Variants in MGAT2 observed in about 807,000 individuals in gnomAD.
MGAT2 encodes Beta-1,2-N-acetylglucosaminyltransferase II.
In MGAT2, 17 loss-of-function variants were observed where a neutral mutation model predicts 33.8. That is an observed-to-expected ratio of 0.50 (90% CI 0.34 to 0.76). The LOEUF (loss-of-function observed/expected upper bound fraction) is 0.76. MGAT2 is among the 30% of genes least tolerant of loss of function. The pLI is 0.01. For synonymous variants in MGAT2, 248 were observed against 226.7 expected, an observed-to-expected ratio of 1.09 and a Z score of -0.84; for missense variants, 529 against 553.9, an observed-to-expected ratio of 0.96 and a Z score of 0.45.
At position 49,622,792 on chromosome 14, in the gene MGAT2, A is replaced by C. The variant is rs1375330833; in HGVS notation, c.*180A>C. The C allele has an allele frequency of 9.0e-6, 5 of 553,890 alleles. No individual in the cohort carries two copies. In the East Asian group the frequency reaches 1.6e-4, roughly 18 times the overall value. The allele number at this position is 553,890 out of a possible 1,614,324, so 34.3% of individuals were successfully genotyped here. ...ATGTCTGATTAAGATTTAAAACTGA[A>C]GGTTTCATTTTGGGAGTAGGGTTTT... On this transcript the variant is annotated 3_prime_UTR_variant, in exon 1 of 1. Coordinates refer to ENST00000305386, the MANE Select transcript of MGAT2 (RefSeq NM_002408.4).
Position 49,623,074 on chromosome 14 carries a change from C to T in MGAT2, c.*462C>T, listed in dbSNP as rs1882901454. On this transcript the variant is annotated 3_prime_UTR_variant, in exon 1 of 1. Transcript: ENST00000305386. ...CACACTTATTAGGAAGGGATTGCTT[C>T]ACTGGTTTAATAATTTAAAAGTTAT... 1 of 168,870 alleles carries T rather than the reference C, an allele frequency of 5.9e-6. No homozygotes were observed. Among genetic ancestry groups the T allele is most frequent in the Non-Finnish European group, 1.4e-5 (1 of 69,402 alleles). 10.5% of individuals were successfully genotyped at this position (168,870 alleles called of 1,614,324 possible). A position where few individuals can be genotyped will look rare whatever the true frequency, so the allele number is the denominator to read the frequency against.
chr14:49,622,031 A>T lies in MGAT2; in HGVS notation c.763A>T (p.Ile255Leu). ...VKILRDYAGL[I>L]LFLEEDHYLA... ...AATTCTTCGAGATTATGCTGGCCTTATACTTTTCCTAGAAGAGGATCACTA... is the reference window on the plus strand; with the variant it reads ...AATTCTTCGAGATTATGCTGGCCTTTTACTTTTCCTAGAAGAGGATCACTA... The change falls in exon 1 of 1, where the codon ATA becomes TTA. Residue 255 changes from isoleucine (I) to leucine (L), a missense_variant. Ile to Leu is a conservative substitution (Grantham distance 5). Transcript: ENST00000305386. 6.2e-7 allele frequency: 1 copy of T among 1,614,034 alleles called. No individual in the cohort carries two copies. The highest frequency in any genetic ancestry group is 8.5e-7 in the Non-Finnish European group (1 of 1,179,974).
rs1354680025 is a variant in MGAT2, at chr14:49,621,697, A to G, written c.429A>G (p.Gly143=). The stretch of plus-strand genomic sequence containing the variant: ...TGGACTCACTTCGAAAAGCCCAGGG[A>G]ATTGACAACGTCCTCGTCATCTTTA... ...LLLDSLRKAQ[G]IDNVLVIFSH... Residue 143 remains glycine (G), a synonymous_variant, in exon 1 of 1, where the codon GGA becomes GGG. Coordinates refer to ENST00000305386, the MANE Select transcript of MGAT2 (RefSeq NM_002408.4). This position sits in a 1 kb window ranked among gnomAD's most constrained non-coding sequence, Gnocchi z 4.6. 3 of 1,614,156 alleles carry G rather than the reference A, an allele frequency of 1.9e-6. No individual in the cohort carries two copies. Among genetic ancestry groups the G allele is most frequent in the Admixed American group, 3.3e-5 (2 of 60,028 alleles).
rs956032109 is a variant in MGAT2, at chr14:49,621,380, G to T, written c.112G>T (p.Ala38Ser). The T allele has an allele frequency of 1.2e-6, 2 of 1,611,104 alleles. No homozygotes were observed. Among genetic ancestry groups the T allele is most frequent in the South Asian group, 1.1e-5 (1 of 91,028 alleles). The change falls in exon 1 of 1, where the codon GCC (alanine) becomes TCC (serine). Residue 38 changes from alanine to serine, a missense_variant. By Grantham distance (99) the Ala-to-Ser change is moderately conservative. Coordinates refer to ENST00000305386, the MANE Select transcript of MGAT2 (RefSeq NM_002408.4). This position sits in a 1 kb window ranked among gnomAD's most constrained non-coding sequence, Gnocchi z 4.6. ...NGRQRKNEAL[A>S]PPLLDAEPAR... ...GCGACAAAGGAAGAACGAGGCCCTC[G>T]CCCCACCGTTGCTGGACGCCGAACC...
rs1882909703 is a variant in MGAT2 at position 49,623,335 on chromosome 14, C to A, written c.*723C>A. 6.0e-6 allele frequency: 1 copy of A among 165,782 alleles called. No individual in the cohort carries two copies. The highest frequency in any genetic ancestry group is 2.4e-5 in the African/African-American group (1 of 41,074). The allele number at this position is 165,782 out of a possible 1,614,324, so 10.3% of individuals were successfully genotyped here. ...ATTTTTGCATAAAAAGGTTCCTAATCCTTTTGCAGAATAAGTTTTGTTTAC... is the reference window on the plus strand; with the variant it reads ...ATTTTTGCATAAAAAGGTTCCTAATACTTTTGCAGAATAAGTTTTGTTTAC... On this transcript the variant is annotated 3_prime_UTR_variant, in exon 1 of 1. Transcript: ENST00000305386.
In MGAT2 at chr14:49,621,839, A is replaced by G. The variant is rs776145169; in HGVS notation, c.571A>G (p.Ser191Gly). The change falls in exon 1 of 1, where the codon AGT becomes GGT. Residue 191 changes from serine to glycine, a missense_variant. Around this residue, in one of 2 missense-constraint regions of MGAT2, gnomAD observed 501 missense variants for 501.1 expected, o/e 1.00. Transcript: ENST00000305386. The surrounding 1 kb of genome is among the most constrained non-coding windows in gnomAD (Gnocchi z 4.6). ...IQLYPNEFPGSDPRDCPRDLP... is the reference protein window; with the variant it reads ...IQLYPNEFPGGDPRDCPRDLP... ...GTTGTACCCTAACGAGTTTCCAGGT[A>G]GTGACCCTAGAGATTGTCCCAGAGA... The G allele has an allele frequency of 4.3e-6, 7 of 1,614,172 alleles. No homozygotes were observed. The Admixed American group carries it at 1.2e-4, about 27-fold the overall frequency.
In MGAT2 at chr14:49,621,867, T is replaced by C; in HGVS notation, c.599T>C (p.Leu200Pro). ...GACCCTAGAGATTGTCCCAGAGACC[T>C]GCCGAAGAATGCCGCTTTGAAATTG... is the stretch of plus-strand genomic sequence containing the variant. Reference protein sequence around the residue: ...GSDPRDCPRDLPKNAALKLGC... With the variant: ...GSDPRDCPRDPPKNAALKLGC... The change falls in exon 1 of 1, where the codon CTG becomes CCG. Residue 200 changes from leucine (L) to proline (P), a missense_variant. Leu to Pro is a moderately conservative substitution (Grantham distance 98). Transcript: ENST00000305386. This position sits in a 1 kb window ranked among gnomAD's most constrained non-coding sequence, Gnocchi z 4.6. 8 of 1,614,210 alleles carry C rather than the reference T, an allele frequency of 5.0e-6. No homozygotes were observed. The highest frequency in any genetic ancestry group is 1.1e-5 in the South Asian group (1 of 91,086).
chr14:49,621,152 G>A lies in MGAT2; in HGVS notation c.-117G>A. 8.1e-6 allele frequency: 12 copies of A among 1,478,412 alleles called. No homozygotes were observed. Among genetic ancestry groups the A allele is most frequent in the Non-Finnish European group, 1.1e-5 (12 of 1,089,862 alleles). The allele number at this position is 1,478,412 out of a possible 1,614,324, so 91.6% of individuals were successfully genotyped here. A position where few individuals can be genotyped will look rare whatever the true frequency, so the allele number is the denominator to read the frequency against. ...GGATGAGTTAGCGAGGGCAGCCGCG[G>A]GGGCCAGTTCCGACCGTGACAGGCC... is the stretch of plus-strand genomic sequence containing the variant. On this transcript the variant is annotated 5_prime_UTR_variant, in exon 1 of 1. Coordinates refer to ENST00000305386, the MANE Select transcript of MGAT2 (RefSeq NM_002408.4). The surrounding 1 kb of genome is among the most constrained non-coding windows in gnomAD (Gnocchi z 4.6).
Position 49,622,324 on chromosome 14 carries a change from C to T in MGAT2, c.1056C>T (p.Tyr352=), listed in dbSNP as rs1187554572. ...ATAACTGGGACTGGACTCTTCAATA[C>T]TTGACTGTATCTTGTCTTCCAAAAT... ...DDYNWDWTLQ[Y]LTVSCLPKFW... is the part of the protein sequence containing the mutation. Residue 352 remains tyrosine, a synonymous_variant, in exon 1 of 1, where the codon TAC becomes TAT. Coordinates refer to ENST00000305386, the MANE Select transcript of MGAT2 (RefSeq NM_002408.4). 4 of 1,614,050 alleles carry T rather than the reference C, an allele frequency of 2.5e-6. No homozygotes were observed. The highest frequency in any genetic ancestry group is 4.5e-5 in the East Asian group (2 of 44,906).
chr14:49,621,712 C>G lies in MGAT2; in HGVS notation c.444C>G (p.Leu148=). 6.2e-7 allele frequency: 1 copy of G among 1,614,216 alleles called. No individual in the cohort carries two copies. The highest frequency in any genetic ancestry group is 8.5e-7 in the Non-Finnish European group (1 of 1,180,030). ...LRKAQGIDNV[L]VIFSHDFWST... is the part of the protein sequence containing the mutation. ...AAGCCCAGGGAATTGACAACGTCCT[C>G]GTCATCTTTAGCCATGACTTCTGGT... The change falls in exon 1 of 1, where the codon CTC becomes CTG. Residue 148 remains leucine (L), a synonymous_variant. Transcript: ENST00000305386. The surrounding 1 kb of genome is among the most constrained non-coding windows in gnomAD (Gnocchi z 4.6).
chr14:49,622,116 G>T lies in MGAT2; in HGVS notation c.848G>T (p.Cys283Phe). ...KKMWKLKQQE[C>F]PECDVLSLGT... Reference sequence around the variant, plus strand: ...ATGTGGAAACTGAAGCAGCAAGAGTGCCCTGAATGTGATGTTCTCTCCCTG... The same window carrying T: ...ATGTGGAAACTGAAGCAGCAAGAGTTCCCTGAATGTGATGTTCTCTCCCTG... Residue 283 changes from cysteine (C) to phenylalanine (F), a missense_variant, in exon 1 of 1, where the codon TGC becomes TTC. Around this residue, in one of 2 missense-constraint regions of MGAT2, gnomAD observed 501 missense variants for 501.1 expected, o/e 1.00. Coordinates refer to ENST00000305386, the MANE Select transcript of MGAT2 (RefSeq NM_002408.4). The T allele has an allele frequency of 6.2e-7, 1 of 1,614,182 alleles. No individual in the cohort carries two copies. Among genetic ancestry groups the T allele is most frequent in the Admixed American group, 1.7e-5 (1 of 60,016 alleles).
Position 49,621,315 on chromosome 14 carries a change from T to C in MGAT2, c.47T>C (p.Val16Ala). The change falls in exon 1 of 1, where the codon GTG (valine) becomes GCG (alanine). Residue 16 changes from valine (V) to alanine (A), a missense_variant. Transcript: ENST00000305386. The surrounding 1 kb of genome is among the most constrained non-coding windows in gnomAD (Gnocchi z 4.6). Reference protein sequence around the residue: ...YKRKVLILTLVVAACGFVLWS... With the variant: ...YKRKVLILTLAVAACGFVLWS... ...CGGAAGGTGCTAATCCTGACGCTCGTGGTGGCCGCCTGCGGCTTCGTCCTC... is the reference window on the plus strand; with the variant it reads ...CGGAAGGTGCTAATCCTGACGCTCGCGGTGGCCGCCTGCGGCTTCGTCCTC... The C allele has an allele frequency of 6.2e-7, 1 of 1,612,520 alleles. No homozygotes were observed. The highest frequency in any genetic ancestry group is 8.5e-7 in the Non-Finnish European group (1 of 1,179,760).
Position 49,621,052 on chromosome 14 carries a change from C to A in MGAT2, c.-217C>A. ...GGCGCCGATGCTCGAGCTGTAGCTG[C>A]CAGGCGAGGATGTGTGGAGCGCAGG... On this transcript the variant is annotated 5_prime_UTR_variant, in exon 1 of 1. Coordinates refer to ENST00000305386, the MANE Select transcript of MGAT2 (RefSeq NM_002408.4). The surrounding 1 kb of genome is among the most constrained non-coding windows in gnomAD (Gnocchi z 4.6). 1 of 735,802 alleles carries A rather than the reference C, an allele frequency of 1.4e-6. No individual in the cohort carries two copies. Among genetic ancestry groups the A allele is most frequent in the Non-Finnish European group, 2.4e-6 (1 of 416,154 alleles). The allele number at this position is 735,802 out of a possible 1,614,324, so 45.6% of individuals were successfully genotyped here.
rs199575160 is a variant in MGAT2, at chr14:49,621,429, G to A, written c.161G>A (p.Gly54Asp). Reference protein sequence around the residue: ...AEPARGAGGRGGDHPSVAVGI... With the variant: ...AEPARGAGGRDGDHPSVAVGI... ...CCCGCGCGGGGTGCCGGCGGCCGCG[G>A]TGGGGACCACCCCTCTGTGGCTGTG... The change falls in exon 1 of 1, where the codon GGT becomes GAT. Residue 54 changes from glycine (G) to aspartate (D), a missense_variant. By Grantham distance (94) the Gly-to-Asp change is moderately conservative (BLOSUM62 -1). Around this residue, in one of 2 missense-constraint regions of MGAT2, gnomAD observed 501 missense variants for 501.1 expected, o/e 1.00. Coordinates refer to ENST00000305386, the MANE Select transcript of MGAT2 (RefSeq NM_002408.4). The surrounding 1 kb of genome is among the most constrained non-coding windows in gnomAD (Gnocchi z 4.6). The A allele has an allele frequency of 5.0e-6, 8 of 1,608,372 alleles. No homozygotes were observed. In the African/African-American group the frequency reaches 1.1e-4, roughly 21 times the overall value.
rs754950478 is a variant in MGAT2 at position 49,620,973 on chromosome 14, C to T, written c.-296C>T. Reference sequence around the variant, plus strand: ...CCGCGGCTGAGCTTTTTCCGGGACCCGTGGTGCTGAATGGAGAGGACGGAG... The same window carrying T: ...CCGCGGCTGAGCTTTTTCCGGGACCTGTGGTGCTGAATGGAGAGGACGGAG... On this transcript the variant is annotated 5_prime_UTR_variant, in exon 1 of 1. Coordinates refer to ENST00000305386, the MANE Select transcript of MGAT2 (RefSeq NM_002408.4). The T allele has an allele frequency of 6.4e-5, 45 of 702,248 alleles. No individual in the cohort carries two copies. The African/African-American group carries it at 7.0e-4, about 11-fold the overall frequency. 43.5% of individuals were successfully genotyped at this position (702,248 alleles called of 1,614,324 possible). A position where few individuals can be genotyped will look rare whatever the true frequency, so the allele number is the denominator to read the frequency against.
In MGAT2 at chr14:49,622,471, T is replaced by C. The variant is rs1566505415; in HGVS notation, c.1203T>C (p.Asn401=). 1 of 1,611,748 alleles carries C rather than the reference T, an allele frequency of 6.2e-7. No homozygotes were observed. The highest frequency in any genetic ancestry group is 2.2e-5 in the East Asian group (1 of 44,866). ...QSAQIESLLN[N]NKQYMFPETL... ...CCCAAATTGAGTCACTCTTAAATAA[T>C]AACAAACAATACATGTTTCCAGAAA... Residue 401 remains asparagine (N), a synonymous_variant, in exon 1 of 1, where the codon AAT becomes AAC. Transcript: ENST00000305386.
In MGAT2 at chr14:49,620,817, A is replaced by G. The variant is rs1337699538; in HGVS notation, c.-452A>G. On this transcript the variant is annotated 5_prime_UTR_variant, in exon 1 of 1. It adds an upstream start codon to the 5' untranslated region. Coordinates refer to ENST00000305386, the MANE Select transcript of MGAT2 (RefSeq NM_002408.4). ...CCGCGGGGCAGTTGCGGGTTGTCAT[A>G]ACGGTCCCCGCCGGAGTGAGGCGAG... The G allele has an allele frequency of 2.5e-5, 15 of 604,580 alleles. No homozygotes were observed. Among genetic ancestry groups the G allele is most frequent in the Admixed American group, 2.8e-5 (1 of 35,548 alleles). The allele number at this position is 604,580 out of a possible 1,614,324, so 37.5% of individuals were successfully genotyped here. A position where few individuals can be genotyped will look rare whatever the true frequency, so the allele number is the denominator to read the frequency against.
Position 49,621,895 on chromosome 14 carries a change from G to A in MGAT2, c.627G>A (p.Gly209=). The change falls in exon 1 of 1, where the codon GGG becomes GGA. Residue 209 remains glycine (G), a synonymous_variant. Coordinates refer to ENST00000305386, the MANE Select transcript of MGAT2 (RefSeq NM_002408.4). This position sits in a 1 kb window ranked among gnomAD's most constrained non-coding sequence, Gnocchi z 4.6. ...DLPKNAALKL[G]CINAEYPDSF... ...CGAAGAATGCCGCTTTGAAATTGGGGTGCATCAATGCTGAGTATCCCGACT... is the reference window on the plus strand; with the variant it reads ...CGAAGAATGCCGCTTTGAAATTGGGATGCATCAATGCTGAGTATCCCGACT... 6.2e-7 allele frequency: 1 copy of A among 1,614,168 alleles called. No individual in the cohort carries two copies. Among genetic ancestry groups the A allele is most frequent in the East Asian group, 2.2e-5 (1 of 44,888 alleles).
rs1272120436 is a variant in MGAT2 at position 49,622,412 on chromosome 14, C to T, written c.1144C>T (p.His382Tyr). ...TCATGCTGGAGACTGTGGTATGCAT[C>T]ACAAGAAAACCTGTAGACCATCCAC... ...IFHAGDCGMH[H>Y]KKTCRPSTQS... Residue 382 changes from histidine to tyrosine, a missense_variant, in exon 1 of 1, where the codon CAC becomes TAC. Coordinates refer to ENST00000305386, the MANE Select transcript of MGAT2 (RefSeq NM_002408.4). 6 of 1,613,972 alleles carry T rather than the reference C, an allele frequency of 3.7e-6. No individual in the cohort carries two copies. The highest frequency in any genetic ancestry group is 3.4e-6 in the Non-Finnish European group (4 of 1,180,022).
Sources: allele counts gnomAD v4.1 joint callset, GRCh38; gene constraint gnomAD v4.1.1; regional missense constraint gnomAD v4.1.1; non-coding constraint Gnocchi (gnomAD v3.1); transcripts MANE v1.5; gene names NCBI Gene and HGNC (gene_info 2026-07-23, HGNC 2026-07-21).